The following SLC39A11 variants were observed in gnomAD, a reference collection of about 807,000 sequenced individuals.
SLC39A11 encodes the protein solute carrier family 39 member 11, also known as zinc transporter ZIP11.
A neutral mutation model predicts 36.1 loss-of-function variants in SLC39A11; 33 were observed. The observed-to-expected ratio is 0.91, with a 90% CI of 0.69 to 1.22. The LOEUF (loss-of-function observed/expected upper bound fraction) is 1.22. Ranked by LOEUF, SLC39A11 falls within the 50% of genes most tolerant of loss-of-function variation. The probability of loss-of-function intolerance (pLI) is 0.00; values close to 1 mark genes in which losing one functional copy is unlikely to be tolerated. For synonymous variants in SLC39A11, 166 were observed against 170.3 expected (o/e 0.97, Z 0.20); for missense variants, 432 against 430.3 (o/e 1.00, Z -0.03).
At chr17:72,778,136 C>T (rs1042241452) in intron 6 of SLC39A11, among the ~76,000 whole-genome samples, 1 of 152,192 alleles carries the variant, frequency 6.6e-6, no homozygotes, top group South Asian at 2.1e-4. Flanking sequence ...AACTCCTGAC[C>T]TCAGGTAATC....
chr17:72,879,243 C>T (rs1396982794), intron 5 of SLC39A11, among the ~76,000 whole-genome samples: 2 of 152,200 alleles, frequency 1.3e-5, no homozygotes, highest in Admixed American at 6.5e-5. Context: ...GCCCAGAGGT[C>T]AGGAGGTGAG....
intron 5 of SLC39A11, among the ~76,000 whole-genome samples, chr17:72,850,321 G>C (rs966549437): frequency 1.3e-5 from 2 of 151,262 alleles, no homozygotes; most frequent in African/African-American, 4.9e-5. Context: ...AGGCGTGGTG[G>C]TATGCACCTG....
At chr17:72,922,960 CAAAAAAAAAAAAAAA>C (rs10645750) in intron 5 of SLC39A11, among the ~76,000 whole-genome samples, 1 of 44,080 alleles carries the variant, frequency 2.3e-5, no homozygotes, top group African/African-American at 5.6e-5. Context: ...GACTCCTTCT[CAAAAAAAAAAAAAAA>C]AAAAAAAAAA....
chr17:72,861,780 A>ATATC (rs1555605660), intron 5 of SLC39A11, among the ~76,000 whole-genome samples: 9 of 87,936 alleles, frequency 1.0e-4, no homozygotes, highest in South Asian at 3.6e-4. Context: ...ATATATATAT[A>ATATC]TATCCAATGC....
chr17:72,725,570 A>G (rs1047587876), intron 7 of SLC39A11: 1 of 152,184 alleles, frequency 6.6e-6, no homozygotes, highest in African/African-American at 2.4e-5. Context: ...CCGAACATAG[A>G]TTTGGATAGC....
At chr17:72,774,960 C>T (rs1322097594) in intron 6 of SLC39A11, among the ~76,000 whole-genome samples, 2 of 151,786 alleles carry the variant, frequency 1.3e-5, no homozygotes, top group African/African-American at 4.8e-5. Flanking sequence ...CTTTCAGGCA[C>T]CCATTGTCAA....
chr17:72,700,568 T>G (rs1235158521), intron 7 of SLC39A11, among the ~76,000 whole-genome samples: 1 of 152,094 alleles, frequency 6.6e-6, no homozygotes, highest in East Asian at 1.9e-4. Context: ...CAGGCCTTAA[T>G]GAAGGAGACA....
At chr17:72,727,432 T>A (rs1437525743) in intron 7 of SLC39A11, among the ~76,000 whole-genome samples, 1 of 151,850 alleles carries the variant, frequency 6.6e-6, no homozygotes, top group Non-Finnish European at 1.5e-5. Context: ...GGCGGGTGGA[T>A]CACGAGGTCA....
chr17:72,936,757 G>A (rs1290580398), intron 5 of SLC39A11, among the ~76,000 whole-genome samples: 1 of 107,792 alleles, frequency 9.3e-6, no homozygotes, highest in Non-Finnish European at 1.9e-5. Context: ...TGGGGGGTAG[G>A]GGGTGGTTTC....
chr17:72,811,402 A>G (rs1041356559), intron 6 of SLC39A11, among the ~76,000 whole-genome samples: 2 of 152,194 alleles, frequency 1.3e-5, no homozygotes, highest in Non-Finnish European at 2.9e-5. Flanking sequence ...GGGTACAAAC[A>G]TTCAGGCCAT....
intron 3 of SLC39A11, among the ~76,000 whole-genome samples, chr17:73,072,903 GGC>G (rs2060206095): frequency 3.3e-5 from 5 of 152,238 alleles, no homozygotes; most frequent in Non-Finnish European, 7.3e-5. Flanking sequence ...ATGCTGGCTG[GGC>G]GCAGTGGCCC....
intron 5 of SLC39A11, among the ~76,000 whole-genome samples, chr17:72,859,522 C>A (rs2079840193): frequency 6.6e-6 from 1 of 151,950 alleles, no homozygotes; most frequent in Non-Finnish European, 1.5e-5. Context: ...GGAACCCAGG[C>A]AGGGACAAGG....
chr17:72,947,439 C>T, intron 5 of SLC39A11: 1 of 368,382 alleles, frequency 2.7e-6, no homozygotes, highest in Middle Eastern at 7.7e-4. Flanking sequence ...AATGCTGGTA[C>T]TCTCTAACCC....
chr17:72,768,491 A>G (rs1347212564), intron 6 of SLC39A11, among the ~76,000 whole-genome samples: 2 of 152,158 alleles, frequency 1.3e-5, no homozygotes, highest in African/African-American at 4.8e-5. Context: ...AGAGCCCCAG[A>G]GGCAGAGGGT....
At chr17:72,791,959 T>C (rs1168275295) in intron 6 of SLC39A11, among the ~76,000 whole-genome samples, 5 of 152,204 alleles carry the variant, frequency 3.3e-5, no homozygotes, top group South Asian at 2.1e-4. Flanking sequence ...CAGTTCTTTA[T>C]AGTGGCATGA....
chr17:72,999,894 C>T (rs2089721385), intron 4 of SLC39A11, among the ~76,000 whole-genome samples: 1 of 152,112 alleles, frequency 6.6e-6, no homozygotes, highest in African/African-American at 2.4e-5. Context: ...GCACGCGCCA[C>T]CACACCTGGC....
chr17:72,681,937 C>A (rs531917354), intron 7 of SLC39A11, among the ~76,000 whole-genome samples: 1 of 152,216 alleles, frequency 6.6e-6, no homozygotes, highest in Non-Finnish European at 1.5e-5. Context: ...TTGTTAGGAA[C>A]TGGGCCTGCA....
At chr17:72,963,946 T>C (rs979847805) in intron 4 of SLC39A11, among the ~76,000 whole-genome samples, 3 of 152,198 alleles carry the variant, frequency 2.0e-5, no homozygotes, top group African/African-American at 7.2e-5. Flanking sequence ...CTAGATTATA[T>C]TCATCCTTAT....
chr17:73,011,582 G>A (rs1426129028), intron 4 of SLC39A11, among the ~76,000 whole-genome samples: 1 of 151,508 alleles, frequency 6.6e-6, no homozygotes, highest in African/African-American at 2.4e-5. Context: ...TAGAAAGAAT[G>A]AATAAGTCCT....
Sources: gnomAD v4.1 joint callset for allele counts (sites outside exome capture counted in the v4.1 genomes callset) on GRCh38, gnomAD v4.1.1 for gene constraint, MANE v1.5 for transcripts, NCBI Gene and HGNC (gene_info 2026-07-23, HGNC 2026-07-21) for gene names.